LRMDA: variants seen among roughly 807,000 people sequenced by gnomAD.
The protein encoded by LRMDA is leucine-rich melanocyte differentiation-associated protein.
LRMDA carries 18 observed loss-of-function variants against 29.8 expected under a neutral mutation model. The ratio of observed to expected loss-of-function variants is 0.60; its 90% CI spans 0.42 to 0.90. LRMDA has a LOEUF of 0.90. Ranked by LOEUF, LRMDA falls within the 40% of genes least tolerant of loss-of-function variation. The pLI is 0.00. For missense variants in LRMDA, 273 were observed against 273.9 expected, an observed-to-expected ratio of 1.00 and a Z score of 0.02; for synonymous variants, 125 against 109.4, an observed-to-expected ratio of 1.14 and a Z score of -0.89.
intron 5 of LRMDA, among the ~76,000 whole-genome samples, chr10:76,123,493 A>C (rs1849826204): frequency 6.6e-6 from 1 of 152,228 alleles, no homozygotes; most frequent in African/African-American, 2.4e-5. Context: ...TGGGCAACAC[A>C]GTGAGACCGT....
Position 75,994,362 on chromosome 10 carries a change from C to G in LRMDA, c.132-41646C>G, listed in dbSNP as rs548729692. Among the ~76,000 whole-genome samples the G allele has an allele frequency of 2.3e-4, 35 of 152,318 alleles. 1 individual carries two copies. The South Asian group carries it at 7.0e-3, about 31-fold the overall frequency. On this transcript the variant is annotated intron_variant, in intron 2 of 6. Transcript: ENST00000611255. ...ACATATGAAAGGTGAACAGAGGCAGCATTTTAGCTCCTTCTGCACCCTAGG... is the reference window on the plus strand; with the variant it reads ...ACATATGAAAGGTGAACAGAGGCAGGATTTTAGCTCCTTCTGCACCCTAGG...
intron 4 of LRMDA, among the ~76,000 whole-genome samples, chr10:76,049,620 T>C (rs1172706512): frequency 6.6e-6 from 1 of 152,242 alleles, no homozygotes; most frequent in Non-Finnish European, 1.5e-5. Context: ...CTATGGTCTG[T>C]AAGCAGATCC....
intron 6 of LRMDA, among the ~76,000 whole-genome samples, chr10:76,400,790 C>A (rs1167774792): frequency 2.0e-5 from 3 of 152,128 alleles, no homozygotes; most frequent in Non-Finnish European, 4.4e-5. Flanking sequence ...TCGTTCTATA[C>A]CTCAGGTTCC....
intron 6 of LRMDA, among the ~76,000 whole-genome samples, chr10:76,422,489 C>T (rs1337737429): frequency 6.6e-6 from 1 of 152,068 alleles, no homozygotes; most frequent in Non-Finnish European, 1.5e-5. Flanking sequence ...CTAAATCATC[C>T]ACATTACAAA....
intron 5 of LRMDA, among the ~76,000 whole-genome samples, chr10:76,285,473 A>G (rs767331981): frequency 2.0e-5 from 3 of 152,178 alleles, no homozygotes; most frequent in East Asian, 1.9e-4. Context: ...TCCTGATAGC[A>G]GGAAGGTAGG....
intron 2 of LRMDA, among the ~76,000 whole-genome samples, chr10:75,579,029 T>A (rs1840549983): frequency 6.6e-6 from 1 of 151,886 alleles, no homozygotes; most frequent in Non-Finnish European, 1.5e-5. Context: ...AGCAAACAAA[T>A]TCAAAATCTA....
intron 2 of LRMDA, among the ~76,000 whole-genome samples, chr10:75,966,829 A>G (rs1290006086): frequency 6.6e-6 from 1 of 152,252 alleles, no homozygotes; most frequent in Non-Finnish European, 1.5e-5. Flanking sequence ...CCTTGTTTAT[A>G]TAATGGAGAT....
At chr10:75,509,434 T>C (rs1845203052) in intron 2 of LRMDA, among the ~76,000 whole-genome samples, 2 of 152,232 alleles carry the variant, frequency 1.3e-5, no homozygotes, top group South Asian at 4.1e-4. Context: ...GTGCATATTA[T>C]TTAGTCTTCT....
At chr10:75,511,484 C>T (rs1275496668) in intron 2 of LRMDA, among the ~76,000 whole-genome samples, 2 of 152,198 alleles carry the variant, frequency 1.3e-5, no homozygotes, top group Non-Finnish European at 2.9e-5. Flanking sequence ...CAGATACCTT[C>T]CTGCTCTTAC....
At chr10:76,547,676 C>A (rs1031020777) in intron 6 of LRMDA, among the ~76,000 whole-genome samples, 1 of 151,948 alleles carries the variant, frequency 6.6e-6, no homozygotes, top group Admixed American at 6.6e-5. Context: ...TCTCTCCTGT[C>A]TGAAAGATGT....
chr10:76,102,525 G>T (rs929600193), intron 5 of LRMDA, among the ~76,000 whole-genome samples: 3 of 152,128 alleles, frequency 2.0e-5, no homozygotes, highest in Non-Finnish European at 4.4e-5. Context: ...TTAGCATAAT[G>T]GCCTCCAGCT....
intron 2 of LRMDA, among the ~76,000 whole-genome samples, chr10:75,764,841 T>C (rs897178246): frequency 5.9e-5 from 9 of 152,086 alleles, no homozygotes; most frequent in African/African-American, 2.2e-4. Flanking sequence ...CTGGTTGTCA[T>C]TGTGTCCATC....
In LRMDA at chr10:75,703,635, C is replaced by T. The variant is rs570897589; in HGVS notation, c.131+265141C>T. On this transcript the variant is annotated intron_variant, in intron 2 of 6. Transcript: ENST00000611255. The stretch of plus-strand genomic sequence containing the variant: ...TATACAGCTCCTAAAGGAGGGAAGC[C>T]GCCCTCCTGTCACATCCTTCATGAT... Among the ~76,000 whole-genome samples the T allele has an allele frequency of 2.6e-5, 4 of 152,320 alleles. No homozygotes were observed. In the South Asian group the frequency reaches 6.2e-4, roughly 24 times the overall value.
Position 75,431,763 on chromosome 10 carries a change from C to T in LRMDA, c.30+9C>T, listed in dbSNP as rs1241353408. The T allele has an allele frequency of 1.5e-6, 2 of 1,366,392 alleles. No individual in the cohort carries two copies. Among genetic ancestry groups the T allele is most frequent in the African/African-American group, 1.5e-5 (1 of 67,020 alleles). The allele number at this position is 1,366,392 out of a possible 1,614,324, so 84.6% of individuals were successfully genotyped here. A position where few individuals can be genotyped will look rare whatever the true frequency, so the allele number is the denominator to read the frequency against. On this transcript the variant is annotated intron_variant, in intron 1 of 6. Coordinates refer to ENST00000611255, the MANE Select transcript of LRMDA (RefSeq NM_001305581.2). Reference sequence around the variant, plus strand: ...TGGTGCGTGGAACTCAAGTAAGTCCCGGCCAGCCCCGCCTCCGCCCGGGGC... The same window carrying T: ...TGGTGCGTGGAACTCAAGTAAGTCCTGGCCAGCCCCGCCTCCGCCCGGGGC...
At chr10:76,279,134 T>C (rs1840171260) in intron 5 of LRMDA, among the ~76,000 whole-genome samples, 1 of 152,120 alleles carries the variant, frequency 6.6e-6, no homozygotes, top group Non-Finnish European at 1.5e-5. Flanking sequence ...AGAAATAAAA[T>C]GATAAGGAAT....
In LRMDA at chr10:75,789,074, A is replaced by G. The variant is rs949710913; in HGVS notation, c.132-246934A>G. Among the ~76,000 whole-genome samples, 6 of 152,238 alleles carry G rather than the reference A, an allele frequency of 3.9e-5. No homozygotes were observed. In the East Asian group the frequency reaches 5.8e-4, roughly 15 times the overall value. On this transcript the variant is annotated intron_variant, in intron 2 of 6. Transcript: ENST00000611255. ...GGTCTGTTTCCTCCTAATGTAGTGT[A>G]GTGGTGATGAGCATGGATTTTGGAA... is the stretch of plus-strand genomic sequence containing the variant.
intron 2 of LRMDA, among the ~76,000 whole-genome samples, chr10:75,993,544 C>T (rs1291361007): frequency 6.6e-6 from 1 of 151,944 alleles, no homozygotes; most frequent in Non-Finnish European, 1.5e-5. Context: ...ACCAGCCTGG[C>T]CAATGTGGCA....
intron 2 of LRMDA, among the ~76,000 whole-genome samples, chr10:75,563,198 G>A (rs1172052055): frequency 6.6e-6 from 1 of 151,918 alleles, no homozygotes; most frequent in Non-Finnish European, 1.5e-5. Context: ...TTTTCACATA[G>A]TCCCATATTT....
chr10:75,985,884 G>A (rs1446996869), intron 2 of LRMDA, among the ~76,000 whole-genome samples: 4 of 152,238 alleles, frequency 2.6e-5, no homozygotes, highest in Non-Finnish European at 5.9e-5. Context: ...GTTCAATGAA[G>A]ATGGAGAAAC....
Sources: gnomAD v4.1 joint callset for allele counts (sites outside exome capture counted in the v4.1 genomes callset) on GRCh38, gnomAD v4.1.1 for gene constraint, MANE v1.5 for transcripts, NCBI Gene and HGNC (gene_info 2026-07-23, HGNC 2026-07-21) for gene names.